Variants in LDB2 observed in about 807,000 individuals in gnomAD.
The protein encoded by LDB2 is LIM domain-binding protein 2.
LDB2 carries 12 observed loss-of-function variants against 44.3 expected under a neutral mutation model. That is an observed-to-expected ratio of 0.27 (90% CI 0.17 to 0.44). The LOEUF (loss-of-function observed/expected upper bound fraction) is 0.44, where lower values mean the gene tolerates loss of function less well. Ranked by LOEUF, LDB2 falls within the 20% of genes least tolerant of loss-of-function variation. The pLI, the probability that LDB2 is intolerant of heterozygous loss-of-function variation, is 1.00. For missense variants in LDB2, 344 were observed against 473.5 expected (o/e 0.73, Z 2.54); for synonymous variants, 164 against 174.8 (o/e 0.94, Z 0.49).
At chr4:16,827,796 A>G (rs1413570459) in intron 1 of LDB2, among the ~76,000 whole-genome samples, 1 of 152,178 alleles carries the variant, frequency 6.6e-6, no homozygotes, top group African/African-American at 2.4e-5. Context: ...GAGGATCACA[A>G]AGATTCACGG....
intron 1 of LDB2, among the ~76,000 whole-genome samples, chr4:16,897,895 AAT>A (rs1174965862): frequency 0.011 from 868 of 77,862 alleles, 10 homozygotes; most frequent in Non-Finnish European, 0.017. Flanking sequence ...TAAAAAAGAA[AAT>A]ATATATATAT....
chr4:16,618,893 T>A (rs2152476826), intron 2 of LDB2, among the ~76,000 whole-genome samples: 1 of 152,268 alleles, frequency 6.6e-6, no homozygotes, highest in African/African-American at 2.4e-5. Flanking sequence ...GAGATCTGGT[T>A]AAGAGTGTGG....
chr4:16,533,301 G>C lies in LDB2; in HGVS notation c.616-21197C>G, dbSNP rs879441137. Among the ~76,000 whole-genome samples, 1 of 152,122 alleles carries C rather than the reference G, an allele frequency of 6.6e-6. No individual in the cohort carries two copies. The highest frequency in any genetic ancestry group is 1.5e-5 in the Non-Finnish European group (1 of 68,018). On this transcript the variant is annotated intron_variant, in intron 5 of 7. Coordinates refer to ENST00000304523, the MANE Select transcript of LDB2 (RefSeq NM_001290.5). The surrounding 1 kb of genome is among the most constrained non-coding windows in gnomAD (Gnocchi z 4.1). ...ACATGTGATTAACCTCTAGTCTGAG[G>C]TTAAGGATCCCACTTCTAAAGTTAA...
At chr4:16,819,783 G>A (rs549975880) in intron 1 of LDB2, among the ~76,000 whole-genome samples, 1 of 152,316 alleles carries the variant, frequency 6.6e-6, no homozygotes, top group South Asian at 2.1e-4. Flanking sequence ...GGGGACTGAA[G>A]GAGGTGAATG....
At chr4:16,835,870 C>A (rs1435750827) in intron 1 of LDB2, among the ~76,000 whole-genome samples, 7 of 152,206 alleles carry the variant, frequency 4.6e-5, no homozygotes, top group African/African-American at 1.7e-4. Flanking sequence ...CCTTCCTGCT[C>A]TACCAGATAG....
At chr4:16,532,210 G>T (rs1730387791) in intron 5 of LDB2, among the ~76,000 whole-genome samples, 1 of 151,934 alleles carries the variant, frequency 6.6e-6, no homozygotes, top group Non-Finnish European at 1.5e-5. Flanking sequence ...TGGATTTTAG[G>T]CACCACAATG....
chr4:16,626,639 T>G (rs1730361209), intron 2 of LDB2: 1 of 144,898 alleles, frequency 6.9e-6, no homozygotes, highest in Non-Finnish European at 1.6e-5. Flanking sequence ...CATCACAGAT[T>G]TTTTTTTTTC....
chr4:16,842,904 G>C (rs1786159611), intron 1 of LDB2, among the ~76,000 whole-genome samples: 2 of 152,162 alleles, frequency 1.3e-5, no homozygotes, highest in African/African-American at 4.8e-5. Context: ...ATGAGTAAAT[G>C]TATATTAAGC....
intron 2 of LDB2, among the ~76,000 whole-genome samples, chr4:16,660,506 A>G (rs1741275523): frequency 6.6e-6 from 1 of 152,200 alleles, no homozygotes; most frequent in Non-Finnish European, 1.5e-5. Flanking sequence ...ATCCAGGAGA[A>G]CTGAAAATGT....
chr4:16,645,400 G>A (rs1325511476), intron 2 of LDB2, among the ~76,000 whole-genome samples: 4 of 151,646 alleles, frequency 2.6e-5, no homozygotes, highest in African/African-American at 9.7e-5. Flanking sequence ...AGCCGGGCGC[G>A]GTGGCGGGCG....
chr4:16,664,775 G>A (rs1039847171), intron 2 of LDB2, among the ~76,000 whole-genome samples: 3 of 152,202 alleles, frequency 2.0e-5, no homozygotes, highest in Admixed American at 1.3e-4. Context: ...TGTAATGAAT[G>A]TGGAATAGGT....
intron 2 of LDB2, among the ~76,000 whole-genome samples, chr4:16,608,532 C>A (rs896274057): frequency 6.6e-6 from 1 of 152,206 alleles, no homozygotes. Context: ...CAAGAGAAAG[C>A]GGCCTCTGCG....
chr4:16,513,837 C>T (rs1722687286), intron 5 of LDB2, among the ~76,000 whole-genome samples: 1 of 152,186 alleles, frequency 6.6e-6, no homozygotes, highest in South Asian at 2.1e-4. Flanking sequence ...ATGCCTCTTC[C>T]CCAAGGAAGG....
chr4:16,736,004 G>A (rs1761817939), intron 2 of LDB2, among the ~76,000 whole-genome samples: 1 of 152,110 alleles, frequency 6.6e-6, no homozygotes, highest in Non-Finnish European at 1.5e-5. Context: ...CAGGGAGCTG[G>A]ACCTATAGAT....
At chr4:16,734,795 G>A (rs193280116) in intron 2 of LDB2, among the ~76,000 whole-genome samples, 136 of 146,414 alleles carry the variant, frequency 9.3e-4, no homozygotes, top group African/African-American at 3.1e-3. Flanking sequence ...TGCAACCTCC[G>A]CCTCCTGGGT....
At chr4:16,524,750 C>T (rs1381553142) in intron 5 of LDB2, among the ~76,000 whole-genome samples, 1 of 152,150 alleles carries the variant, frequency 6.6e-6, no homozygotes, top group Non-Finnish European at 1.5e-5. Context: ...GTTTCCTGAA[C>T]ATGAGAAAAG....
intron 1 of LDB2, among the ~76,000 whole-genome samples, chr4:16,855,230 G>C (rs913745984): frequency 5.9e-5 from 9 of 152,242 alleles, no homozygotes; most frequent in Admixed American, 3.9e-4. Flanking sequence ...CAGCAATAGT[G>C]AGAAAAACTG....
At chr4:16,713,879 T>C (rs1756461190) in intron 2 of LDB2, among the ~76,000 whole-genome samples, 1 of 152,128 alleles carries the variant, frequency 6.6e-6, no homozygotes, top group African/African-American at 2.4e-5. Flanking sequence ...CTAGGGCGAG[T>C]TGATTCCAGC....
At chr4:16,853,205 T>C (rs1413896934) in intron 1 of LDB2, among the ~76,000 whole-genome samples, 6 of 152,172 alleles carry the variant, frequency 3.9e-5, no homozygotes, top group African/African-American at 1.2e-4. Flanking sequence ...AGCCTATGGA[T>C]TGAGAAAAAA....
Sources: gnomAD v4.1 joint callset for allele counts (sites outside exome capture counted in the v4.1 genomes callset) on GRCh38, gnomAD v4.1.1 for gene constraint, Gnocchi (gnomAD v3.1) non-coding constraint, MANE v1.5 for transcripts, NCBI Gene and HGNC (gene_info 2026-07-23, HGNC 2026-07-21) for gene names.